LRRC72: variants seen among roughly 807,000 people sequenced by gnomAD.
LRRC72 encodes the protein leucine-rich repeat-containing protein 72.
LRRC72 carries 41 observed loss-of-function variants against 35.8 expected under a neutral mutation model. The ratio of observed to expected loss-of-function variants is 1.15; its 90% CI spans 0.89 to 1.49. The LOEUF (loss-of-function observed/expected upper bound fraction) is 1.49, where lower values mean the gene tolerates loss of function less well. LRRC72 is among the 40% of genes most tolerant of loss of function. LRRC72 has a pLI of 0.00. For synonymous variants in LRRC72, 118 were observed against 119.2 expected, an observed-to-expected ratio of 0.99 and a Z score of 0.07; for missense variants, 389 against 330.7, an observed-to-expected ratio of 1.18 and a Z score of -1.37.
chr7:16,539,158 C>A lies in LRRC72; in HGVS notation c.234+1462C>A, dbSNP rs1207348893. 3.9e-5 allele frequency among the ~76,000 whole-genome samples: 6 copies of A among 152,258 alleles called. No individual in the cohort carries two copies. The South Asian group carries it at 8.3e-4, about 21-fold the overall frequency. ...CTAGAGACTTGTTGAATGGTTTTGACCACAATACTGATAGTGATATGGACA... is the reference window on the plus strand; with the variant it reads ...CTAGAGACTTGTTGAATGGTTTTGAACACAATACTGATAGTGATATGGACA... On this transcript the variant is annotated intron_variant, in intron 3 of 8. Transcript: ENST00000401542.
At chr7:16,556,132 G>A (rs17465685) in intron 3 of LRRC72, among the ~76,000 whole-genome samples, 37,248 of 151,902 alleles carry the variant, frequency 0.25, 4,989 homozygotes, top group Non-Finnish European at 0.27. Context: ...ATACAGTTTA[G>A]CATTGAATAC....
chr7:16,569,790 G>C lies in LRRC72; in HGVS notation c.670+2247G>C, dbSNP rs539893369. Among the ~76,000 whole-genome samples the C allele has an allele frequency of 4.3e-3, 650 of 152,164 alleles. 4 individuals carry two copies. Among genetic ancestry groups the C allele is most frequent in the Non-Finnish European group, 6.8e-3 (462 of 68,002 alleles). ...TCAAGCCTGTAATCCCAGCACTTTGGGAGGCCGAGGCAGGCAGATCATTTG... is the reference window on the plus strand; with the variant it reads ...TCAAGCCTGTAATCCCAGCACTTTGCGAGGCCGAGGCAGGCAGATCATTTG... On this transcript the variant is annotated intron_variant, in intron 7 of 8. Transcript: ENST00000401542.
In LRRC72 at chr7:16,558,331, G is replaced by C. The variant is rs572334692; in HGVS notation, c.317-558G>C. Among the ~76,000 whole-genome samples, 15 of 152,250 alleles carry C rather than the reference G, an allele frequency of 9.9e-5. 1 individual carries two copies. The South Asian group carries it at 3.1e-3, about 32-fold the overall frequency. Reference sequence around the variant, plus strand: ...TACATTTTAAAAAGTAAAACAGGCCGGGCGCGGTGGCTCATGCCTGTAATC... The same window carrying C: ...TACATTTTAAAAAGTAAAACAGGCCCGGCGCGGTGGCTCATGCCTGTAATC... On this transcript the variant is annotated intron_variant, in intron 4 of 8. Coordinates refer to ENST00000401542, the MANE Select transcript of LRRC72 (RefSeq NM_001195280.2).
intron 3 of LRRC72, among the ~76,000 whole-genome samples, chr7:16,543,315 G>A (rs1782391562): frequency 2.6e-5 from 4 of 152,148 alleles, no homozygotes. Flanking sequence ...TGTTAAGAAT[G>A]ATCTGAAATC....
chr7:16,548,367 A>T (rs1782487500), intron 3 of LRRC72, among the ~76,000 whole-genome samples: 1 of 152,198 alleles, frequency 6.6e-6, no homozygotes, highest in Admixed American at 6.5e-5. Flanking sequence ...GTGGGTGACA[A>T]GAAGGAGAGA....
chr7:16,548,763 A>C (rs1044546775), intron 3 of LRRC72, among the ~76,000 whole-genome samples: 1 of 152,224 alleles, frequency 6.6e-6, no homozygotes, highest in African/African-American at 2.4e-5. Context: ...CCAGCCCAGC[A>C]GGCCAGAGCA....
intron 7 of LRRC72, among the ~76,000 whole-genome samples, chr7:16,578,551 G>C (rs1783084976): frequency 6.6e-6 from 1 of 152,126 alleles, no homozygotes. Context: ...AGTATACTAT[G>C]AGTAATAACA....
intron 5 of LRRC72, among the ~76,000 whole-genome samples, chr7:16,562,706 C>A (rs1782764284): frequency 6.6e-6 from 1 of 152,312 alleles, no homozygotes; most frequent in Non-Finnish European, 1.5e-5. Context: ...CGGGGAGGGA[C>A]TAGGATCTCC....
intron 1 of LRRC72, among the ~76,000 whole-genome samples, chr7:16,528,127 T>A (rs561173431): frequency 3.9e-5 from 6 of 152,362 alleles, no homozygotes; most frequent in Non-Finnish European, 7.3e-5. Context: ...AACAATGTTG[T>A]AGATTGAAAT....
chr7:16,560,825 C>T (rs530530745), intron 5 of LRRC72, among the ~76,000 whole-genome samples: 8 of 151,970 alleles, frequency 5.3e-5, no homozygotes, highest in East Asian at 1.9e-4. Flanking sequence ...CATCCAGTCT[C>T]GAAATTCTGC....
intron 5 of LRRC72, among the ~76,000 whole-genome samples, chr7:16,564,006 A>T (rs543167588): frequency 6.6e-6 from 1 of 152,218 alleles, no homozygotes; most frequent in East Asian, 1.9e-4. Context: ...TCCATATAGA[A>T]GTTACTTAAC....
intron 3 of LRRC72, among the ~76,000 whole-genome samples, chr7:16,548,346 C>G (rs898914603): frequency 2.6e-5 from 4 of 152,172 alleles, no homozygotes; most frequent in Admixed American, 6.5e-5. Flanking sequence ...ACACCCCTTG[C>G]CTGCCACGTT....
chr7:16,538,610 G>C (rs1236012431), intron 3 of LRRC72, among the ~76,000 whole-genome samples: 6 of 152,180 alleles, frequency 3.9e-5, no homozygotes, highest in Admixed American at 2.6e-4. Context: ...GTACATCCCA[G>C]TTGCTACCAG....
chr7:16,551,472 T>G (rs545699636), intron 3 of LRRC72, among the ~76,000 whole-genome samples: 2 of 152,256 alleles, frequency 1.3e-5, no homozygotes, highest in Non-Finnish European at 2.9e-5. Flanking sequence ...TCAAAAACAC[T>G]AAGGCAAAAT....
chr7:16,559,376 A>G (rs1290694451), intron 5 of LRRC72, among the ~76,000 whole-genome samples: 1 of 152,166 alleles, frequency 6.6e-6, no homozygotes, highest in Non-Finnish European at 1.5e-5. Context: ...CCTGGGTAAC[A>G]GAGCAAGACC....
intron 4 of LRRC72, 51 bp from the exon 5 acceptor site, chr7:16,558,837 AT>A (rs1344617239): frequency 3.8e-5 from 44 of 1,167,336 alleles, no homozygotes; most frequent in Non-Finnish European, 4.6e-5. Context: ...CAATAAAAAA[AT>A]AAACTGAAAA....
At chr7:16,543,872 C>CTAAGG (rs1782400809) in intron 3 of LRRC72, among the ~76,000 whole-genome samples, 1 of 152,176 alleles carries the variant, frequency 6.6e-6, no homozygotes, top group Non-Finnish European at 1.5e-5. Context: ...CATGGAGATG[C>CTAAGG]CAAGACTAAG....
intron 1 of LRRC72, among the ~76,000 whole-genome samples, chr7:16,527,451 C>A (rs1263382315): frequency 6.6e-6 from 1 of 150,496 alleles, no homozygotes; most frequent in African/African-American, 2.4e-5. Context: ...GATTCTCCAA[C>A]AGGGGTGTGT....
chr7:16,553,836 G>A (rs1214429900), intron 3 of LRRC72, among the ~76,000 whole-genome samples: 1 of 152,124 alleles, frequency 6.6e-6, no homozygotes, highest in African/African-American at 2.4e-5. Context: ...GTGATTACCT[G>A]TATGTATTTT....
Sources: gnomAD v4.1 joint callset for allele counts (sites outside exome capture counted in the v4.1 genomes callset) on GRCh38, gnomAD v4.1.1 for gene constraint, MANE v1.5 for transcripts, NCBI Gene and HGNC (gene_info 2026-07-23, HGNC 2026-07-21) for gene names.